Variants in ST7 observed in about 807,000 individuals in gnomAD.
ST7 encodes suppression of tumorigenicity 7.
ST7 carries 28 observed loss-of-function variants against 78.7 expected under a neutral mutation model. That is an observed-to-expected ratio of 0.36 (90% CI 0.26 to 0.49). The LOEUF is 0.49. Among genes scored for constraint, ST7 ranks in the 20% least tolerant of loss-of-function variants. ST7 has a pLI of 0.99. For missense variants in ST7, 418 were observed against 696.0 expected (o/e 0.60, Z 4.49); for synonymous variants, 247 against 249.6 (o/e 0.99, Z 0.10).
chr7:116,985,847 T>A (rs1321439009), intron 1 of ST7, among the ~76,000 whole-genome samples: 2 of 152,250 alleles, frequency 1.3e-5, no homozygotes, highest in African/African-American at 2.4e-5. Flanking sequence ...CTTTATTTCA[T>A]TTTGAGACAG....
At chr7:117,158,231 C>T (rs1696930671) in intron 9 of ST7, among the ~76,000 whole-genome samples, 2 of 152,182 alleles carry the variant, frequency 1.3e-5, no homozygotes, top group African/African-American at 4.8e-5. Flanking sequence ...ACCAGATTTG[C>T]TTGTTGTTTT....
At chr7:117,184,018 T>C (rs1316852056) in intron 10 of ST7, 3 of 152,350 alleles carry the variant, frequency 2.0e-5, no homozygotes, top group Non-Finnish European at 4.4e-5. Context: ...AAAATGAGTC[T>C]GATTCCATTT....
chr7:117,220,427 C>G (rs1793003040), intron 14 of ST7, among the ~76,000 whole-genome samples: 1 of 152,186 alleles, frequency 6.6e-6, no homozygotes, highest in East Asian at 1.9e-4. Flanking sequence ...CCTTTCAACT[C>G]CCCCTTCAGG....
intron 10 of ST7, among the ~76,000 whole-genome samples, chr7:117,183,155 G>C (rs1808922863): frequency 6.6e-6 from 1 of 152,084 alleles, no homozygotes; most frequent in Non-Finnish European, 1.5e-5. Flanking sequence ...GCTAGGTGCG[G>C]TGGCTCATGC....
At position 116,953,708 on chromosome 7, in the gene ST7, G is replaced by A. The variant is rs1197736383; in HGVS notation, c.151+17G>A. Reference sequence around the variant, plus strand: ...TGAGCACAGGTAAGGCCTGGGAGCCGGGCCCGCGGCGCCCACCCCTCCCCC... The same window carrying A: ...TGAGCACAGGTAAGGCCTGGGAGCCAGGCCCGCGGCGCCCACCCCTCCCCC... On this transcript the variant is annotated intron_variant, in intron 1 of 15. Coordinates refer to ENST00000323984, the MANE Select transcript of ST7 (RefSeq NM_001369598.1). The A allele has an allele frequency of 3.5e-6, 5 of 1,428,376 alleles. No homozygotes were observed. Among genetic ancestry groups the A allele is most frequent in the Admixed American group, 2.1e-5 (1 of 48,594 alleles). 88.5% of individuals were successfully genotyped at this position (1,428,376 alleles called of 1,614,324 possible). A position where few individuals can be genotyped will look rare whatever the true frequency, so the allele number is the denominator to read the frequency against.
intron 9 of ST7, among the ~76,000 whole-genome samples, chr7:117,162,436 C>T (rs949563716): frequency 4.3e-4 from 65 of 151,136 alleles, no homozygotes; most frequent in African/African-American, 1.5e-3. Context: ...ATAAGTATAC[C>T]CCATTATCTG....
At chr7:117,174,768 C>T (rs1475588776) in intron 10 of ST7, among the ~76,000 whole-genome samples, 1 of 152,142 alleles carries the variant, frequency 6.6e-6, no homozygotes, top group East Asian at 1.9e-4. Context: ...TCACAATAAC[C>T]CTGCAAGGAG....
intron 1 of ST7, among the ~76,000 whole-genome samples, chr7:116,970,382 A>G (rs1411689370): frequency 6.6e-6 from 1 of 152,224 alleles, no homozygotes; most frequent in Non-Finnish European, 1.5e-5. Flanking sequence ...CATAGGGCTC[A>G]GTGGCTTCAA....
At chr7:117,181,287 A>G (rs1189102430) in intron 10 of ST7, among the ~76,000 whole-genome samples, 1 of 152,214 alleles carries the variant, frequency 6.6e-6, no homozygotes, top group East Asian at 1.9e-4. Context: ...CCCACATTAC[A>G]GGATTTAATG....
intron 1 of ST7, among the ~76,000 whole-genome samples, chr7:116,989,513 G>GT (rs986686115): frequency 3.4e-3 from 489 of 144,774 alleles, no homozygotes; most frequent in South Asian, 5.6e-3. Flanking sequence ...ATCTCTCTGA[G>GT]TTTTTTTTTT....
chr7:117,201,584 G>A (rs1810859189), intron 12 of ST7, among the ~76,000 whole-genome samples: 2 of 151,374 alleles, frequency 1.3e-5, no homozygotes, highest in Admixed American at 6.6e-5. Context: ...CATGAGACAG[G>A]GTCTTGCTCT....
intron 1 of ST7, among the ~76,000 whole-genome samples, chr7:117,047,010 A>G (rs1386433170): frequency 6.6e-6 from 1 of 152,204 alleles, no homozygotes; most frequent in Non-Finnish European, 1.5e-5. Context: ...AGCCTGCCGC[A>G]TATTGAACAT....
intron 1 of ST7, among the ~76,000 whole-genome samples, chr7:117,078,590 C>T (rs922359769): frequency 1.3e-5 from 2 of 152,128 alleles, no homozygotes; most frequent in African/African-American, 2.4e-5. Flanking sequence ...AAATTTATGT[C>T]GAGCTGGACA....
At chr7:117,147,956 G>T (rs550414335) in intron 9 of ST7, among the ~76,000 whole-genome samples, 2 of 152,036 alleles carry the variant, frequency 1.3e-5, no homozygotes, top group Non-Finnish European at 2.9e-5. Context: ...CCTAGCATAT[G>T]GTCAGGTTTA....
In ST7 at chr7:117,230,007, GT is replaced by G. The variant is rs1563186076; in HGVS notation, c.*155del. The G allele has an allele frequency of 2.5e-6, 2 of 786,078 alleles. No homozygotes were observed. Among genetic ancestry groups the G allele is most frequent in the African/African-American group, 1.7e-5 (1 of 58,792 alleles). The allele number at this position is 786,078 out of a possible 1,614,324, so 48.7% of individuals were successfully genotyped here. A position where few individuals can be genotyped will look rare whatever the true frequency, so the allele number is the denominator to read the frequency against. ...CATGGACTATTCCATATTAAAAGCT[GT>G]TTTTGTTGTACAAAATTCACTGATG... On this transcript the variant is annotated 3_prime_UTR_variant, in exon 16 of 16. Transcript: ENST00000323984.
chr7:117,098,912 T>G, intron 1 of ST7: 6 of 1,113,992 alleles, frequency 5.4e-6, no homozygotes, highest in Admixed American at 2.5e-5. Context: ...TACTTGTAAG[T>G]GAACCCTAAT....
Position 117,230,125 on chromosome 7 carries a change from T to A in ST7, c.*268T>A. On this transcript the variant is annotated 3_prime_UTR_variant, in exon 16 of 16. Transcript: ENST00000323984. ...GCAATCATTTGTATCCTCCTGTGTC[T>A]TCCAACCCTAAAATTGTTGATGTCC... The A allele has an allele frequency of 1.7e-6, 1 of 587,932 alleles. No homozygotes were observed. Among genetic ancestry groups the A allele is most frequent in the South Asian group, 1.8e-5 (1 of 56,072 alleles). The allele number at this position is 587,932 out of a possible 1,614,324, so 36.4% of individuals were successfully genotyped here.
At chr7:117,229,305 T>C (rs1280631442) in intron 15 of ST7, among the ~76,000 whole-genome samples, 2 of 152,348 alleles carry the variant, frequency 1.3e-5, no homozygotes, top group East Asian at 3.9e-4. Flanking sequence ...AAGAAATTCA[T>C]ACACAACACA....
chr7:117,143,343 A>T (rs1030621221), intron 9 of ST7, among the ~76,000 whole-genome samples: 132 of 152,236 alleles, frequency 8.7e-4, no homozygotes, highest in African/African-American at 3.1e-3. Context: ...TTTCTCACAG[A>T]TCATCATGCT....
Sources: gnomAD v4.1 joint callset for allele counts (sites outside exome capture counted in the v4.1 genomes callset) on GRCh38, gnomAD v4.1.1 for gene constraint, MANE v1.5 for transcripts, NCBI Gene and HGNC (gene_info 2026-07-23, HGNC 2026-07-21) for gene names.